ZNF385B: variants seen among roughly 807,000 people sequenced by gnomAD.
The protein encoded by ZNF385B is zinc finger protein 385B.
ZNF385B carries 23 observed loss-of-function variants against 39.2 expected under a neutral mutation model. The ratio of observed to expected loss-of-function variants is 0.59; its 90% CI spans 0.42 to 0.83. The LOEUF (loss-of-function observed/expected upper bound fraction) is 0.83, where lower values mean the gene tolerates loss of function less well. Among genes scored for constraint, ZNF385B ranks in the 40% least tolerant of loss-of-function variants. ZNF385B has a pLI of 0.00. For missense variants in ZNF385B, 552 were observed against 598.9 expected (o/e 0.92, Z 0.82); for synonymous variants, 205 against 222.6 (o/e 0.92, Z 0.70).
rs202113925 is a variant in ZNF385B, at chr2:179,662,358, A to ATTT, written c.298+107142_298+107144dup. On this transcript the variant is annotated intron_variant, in intron 3 of 9. Coordinates refer to ENST00000410066, the MANE Select transcript of ZNF385B (RefSeq NM_152520.6). ...ACGTCTGTGTTATAGTTTATGGGTA[A>ATTT]TTTTTTTTTTTTTTTTTTGGTGGGC... Among the ~76,000 whole-genome samples the ATTT allele has an allele frequency of 4.0e-3, 563 of 139,298 alleles. 3 individuals carry two copies. The highest frequency in any genetic ancestry group is 0.014 in the African/African-American group (511 of 37,718). The allele number at this position is 139,298 out of a possible 152,430, so 91.4% of individuals were successfully genotyped here.
chr2:179,705,153 T>C (rs891027659), intron 3 of ZNF385B, among the ~76,000 whole-genome samples: 1 of 152,172 alleles, frequency 6.6e-6, no homozygotes, highest in Admixed American at 6.5e-5. Flanking sequence ...AAGTCTTCCT[T>C]CACTTCCTGC....
chr2:179,626,992 T>C lies in ZNF385B; in HGVS notation c.299-82023A>G, dbSNP rs938622872. 2.9e-4 allele frequency among the ~76,000 whole-genome samples: 44 copies of C among 152,186 alleles called. 1 individual carries two copies. Among genetic ancestry groups the C allele is most frequent in the Non-Finnish European group, 7.4e-5 (5 of 68,016 alleles). On this transcript the variant is annotated intron_variant, in intron 3 of 9. Transcript: ENST00000410066. ...TAGGAAAGTTATAATCTTTTCACCA[T>C]GTCAAGTCTAAGATAATACTTAATT...
chr2:179,820,819 G>C (rs1707356048), intron 1 of ZNF385B, among the ~76,000 whole-genome samples: 1 of 152,044 alleles, frequency 6.6e-6, no homozygotes. Context: ...GTGGATGTTT[G>C]CTTTTTCTTG....
chr2:179,567,813 G>A (rs1272376169), intron 3 of ZNF385B, among the ~76,000 whole-genome samples: 1 of 152,072 alleles, frequency 6.6e-6, no homozygotes, highest in Non-Finnish European at 1.5e-5. Flanking sequence ...TCCAACATAG[G>A]CTGCAAATCT....
At chr2:179,533,296 A>G (rs570017874) in intron 4 of ZNF385B, among the ~76,000 whole-genome samples, 1 of 151,800 alleles carries the variant, frequency 6.6e-6, no homozygotes, top group South Asian at 2.1e-4. Context: ...TATCAGTTTT[A>G]CTCCCCCCAC....
At chr2:179,538,965 C>T (rs2059750199) in intron 4 of ZNF385B, among the ~76,000 whole-genome samples, 1 of 152,210 alleles carries the variant, frequency 6.6e-6, no homozygotes, top group South Asian at 2.1e-4. Flanking sequence ...TAGCTCTGAA[C>T]AGTTACACAA....
In ZNF385B at chr2:179,505,804, G is replaced by T. The variant is rs541015755; in HGVS notation, c.552+12724C>A. Among the ~76,000 whole-genome samples, 3 of 151,994 alleles carry T rather than the reference G, an allele frequency of 2.0e-5. No homozygotes were observed. The South Asian group carries it at 6.2e-4, about 32-fold the overall frequency. On this transcript the variant is annotated intron_variant, in intron 5 of 9. Coordinates refer to ENST00000410066, the MANE Select transcript of ZNF385B (RefSeq NM_152520.6). ...AGTTCACTTCAGGTGCAGGAAATAG[G>T]GTTTGCATTTGTTTAAAAACAATAA... is the stretch of plus-strand genomic sequence containing the variant.
intron 3 of ZNF385B, among the ~76,000 whole-genome samples, chr2:179,565,847 C>T (rs1269320538): frequency 6.6e-6 from 1 of 152,206 alleles, no homozygotes; most frequent in Non-Finnish European, 1.5e-5. Context: ...GCATTTTATT[C>T]ACATCTCCAT....
chr2:179,649,471 G>A (rs1040804166), intron 3 of ZNF385B, among the ~76,000 whole-genome samples: 4 of 152,098 alleles, frequency 2.6e-5, no homozygotes, highest in Non-Finnish European at 4.4e-5. Flanking sequence ...AACTCACTTA[G>A]AAAAGAAAAA....
chr2:179,787,832 A>T (rs1705094007), intron 1 of ZNF385B, among the ~76,000 whole-genome samples: 1 of 152,126 alleles, frequency 6.6e-6, no homozygotes, highest in South Asian at 2.1e-4. Flanking sequence ...TCCTTACTTC[A>T]CCTGCAAGCT....
At chr2:179,577,422 A>G (rs1685960794) in intron 3 of ZNF385B, among the ~76,000 whole-genome samples, 1 of 152,116 alleles carries the variant, frequency 6.6e-6, no homozygotes, top group Non-Finnish European at 1.5e-5. Flanking sequence ...GTGTATGCCA[A>G]AAAGTATATA....
intron 1 of ZNF385B, among the ~76,000 whole-genome samples, chr2:179,812,330 C>T (rs1383048158): frequency 1.3e-5 from 2 of 152,176 alleles, no homozygotes; most frequent in East Asian, 1.9e-4. Context: ...ACCAAAAACA[C>T]TGATGTACTC....
At chr2:179,761,396 C>T (rs1313977329) in intron 3 of ZNF385B, among the ~76,000 whole-genome samples, 1 of 152,134 alleles carries the variant, frequency 6.6e-6, no homozygotes, top group Non-Finnish European at 1.5e-5. Flanking sequence ...TGGTATGTCT[C>T]TCCATTTATT....
intron 3 of ZNF385B, among the ~76,000 whole-genome samples, chr2:179,643,832 A>G (rs1433846385): frequency 6.6e-6 from 1 of 152,152 alleles, no homozygotes; most frequent in Non-Finnish European, 1.5e-5. Flanking sequence ...ATATGTATCA[A>G]AACTCCTAGT....
chr2:179,827,938 T>A (rs1707770289), intron 1 of ZNF385B, among the ~76,000 whole-genome samples: 1 of 152,218 alleles, frequency 6.6e-6, no homozygotes, highest in African/African-American at 2.4e-5. Context: ...TGCCTGTTTT[T>A]AAACTTCCTA....
chr2:179,464,544 T>C (rs1315149930), intron 6 of ZNF385B, among the ~76,000 whole-genome samples: 1 of 152,122 alleles, frequency 6.6e-6, no homozygotes, highest in Non-Finnish European at 1.5e-5. Context: ...AAGGAAGGGG[T>C]CCAGTTTCAG....
intron 3 of ZNF385B, among the ~76,000 whole-genome samples, chr2:179,658,142 G>C (rs914400452): frequency 1.3e-5 from 2 of 152,204 alleles, no homozygotes; most frequent in Admixed American, 1.3e-4. Context: ...TTCAAGGTGG[G>C]TATTGGTCAG....
chr2:179,603,218 A>T (rs1688544031), intron 3 of ZNF385B, among the ~76,000 whole-genome samples: 1 of 152,154 alleles, frequency 6.6e-6, no homozygotes, highest in Non-Finnish European at 1.5e-5. Flanking sequence ...AGTCTATCTA[A>T]GCCACAATTT....
chr2:179,770,275 C>G (rs893096790), intron 2 of ZNF385B, among the ~76,000 whole-genome samples: 1 of 152,158 alleles, frequency 6.6e-6, no homozygotes, highest in African/African-American at 2.4e-5. Context: ...AGTATGAGCT[C>G]TATGAGGACA....
Sources: allele counts gnomAD v4.1 joint callset (sites outside exome capture counted in the v4.1 genomes callset), GRCh38; gene constraint gnomAD v4.1.1; transcripts MANE v1.5; gene names NCBI Gene and HGNC (gene_info 2026-07-23, HGNC 2026-07-21).